UGGT1: variants seen among roughly 807,000 people sequenced by gnomAD.
The protein encoded by UGGT1 is UDP-glucose:glycoprotein glucosyltransferase 1.
Under a neutral mutation model 203.9 loss-of-function variants are expected in UGGT1, and 107 were observed. The observed-to-expected ratio is 0.52, with a 90% confidence interval of 0.45 to 0.62. The LOEUF (loss-of-function observed/expected upper bound fraction) is 0.62, where lower values mean the gene tolerates loss of function less well. Among genes scored for constraint, UGGT1 ranks in the 20% least tolerant of loss-of-function variants. The pLI, the probability that UGGT1 is intolerant of heterozygous loss-of-function variation, is 0.00. For missense variants in UGGT1, 1,673 were observed against 1,867.2 expected, an observed-to-expected ratio of 0.90 and a Z score of 1.92; for synonymous variants, 628 against 653.5, an observed-to-expected ratio of 0.96 and a Z score of 0.59.
chr2:128,111,139 TC>T (rs756146162), intron 5 of UGGT1, among the ~76,000 whole-genome samples: 10 of 152,132 alleles, frequency 6.6e-5, no homozygotes, highest in Non-Finnish European at 1.3e-4. Flanking sequence ...GATCACTTGA[TC>T]CCAGGAATTC....
chr2:128,171,853 G>A (rs1262348728), intron 28 of UGGT1, among the ~76,000 whole-genome samples: 1 of 152,112 alleles, frequency 6.6e-6, no homozygotes, highest in African/African-American at 2.4e-5. Flanking sequence ...TTTCAAGTTG[G>A]AATATACATG....
intron 8 of UGGT1, 105 bp downstream of exon 8, chr2:128,116,448 A>G (rs748140164): frequency 1.2e-5 from 9 of 722,640 alleles, no homozygotes; most frequent in Admixed American, 2.2e-5. Context: ...TGAGTTTCTC[A>G]TCTCCTAACA....
chr2:128,163,325 T>C (rs966069080), intron 25 of UGGT1, among the ~76,000 whole-genome samples: 13 of 152,146 alleles, frequency 8.5e-5, no homozygotes, highest in Non-Finnish European at 7.4e-5. Context: ...ACAGTGCTCT[T>C]TTAAAATTCT....
chr2:128,123,167 A>G lies in UGGT1; in HGVS notation c.1074-19A>G. 1 of 1,604,072 alleles carries G rather than the reference A, an allele frequency of 6.2e-7. No individual in the cohort carries two copies. Among genetic ancestry groups the G allele is most frequent in the Non-Finnish European group, 8.5e-7 (1 of 1,173,884 alleles). ...ATCAAATATTAAGCCAAGCACTCAT[A>G]ATGTTTTTATTTCCTTAGAGCAATA... On this transcript the variant is annotated intron_variant, in intron 10 of 40. Coordinates refer to ENST00000259253, the MANE Select transcript of UGGT1 (RefSeq NM_020120.4).
chr2:128,132,091 C>T (rs556978328), intron 13 of UGGT1, among the ~76,000 whole-genome samples: 4 of 152,070 alleles, frequency 2.6e-5, no homozygotes, highest in Admixed American at 6.5e-5. Context: ...TTCTGTCTAG[C>T]GAGTATGAAA....
intron 11 of UGGT1, among the ~76,000 whole-genome samples, chr2:128,125,982 G>A (rs1442261698): frequency 2.1e-4 from 30 of 143,144 alleles, no homozygotes; most frequent in African/African-American, 6.0e-4. Context: ...TTGCTGTGTC[G>A]CCCAGGCTGG....
chr2:128,177,099 G>A (rs1194333927), intron 32 of UGGT1, among the ~76,000 whole-genome samples: 4 of 151,846 alleles, frequency 2.6e-5, no homozygotes, highest in African/African-American at 7.3e-5. Flanking sequence ...ATCTCGGTGT[G>A]CAGAACATGT....
Position 128,191,507 on chromosome 2 carries a change from T to G in UGGT1, c.*1765T>G, listed in dbSNP as rs1233696931. 6.6e-6 allele frequency: 1 copy of G among 151,266 alleles called. No homozygotes were observed. Among genetic ancestry groups the G allele is most frequent in the Non-Finnish European group, 1.5e-5 (1 of 67,772 alleles). The allele number at this position is 151,266 out of a possible 1,614,324, so 9.4% of individuals were successfully genotyped here. ...TGTGGGCAGAGTCTGTGACATGACT[T>G]TCCCCGCCCTGCCCCTCTGTTCAGA... On this transcript the variant is annotated 3_prime_UTR_variant, in exon 41 of 41. Transcript: ENST00000259253.
intron 19 of UGGT1, among the ~76,000 whole-genome samples, chr2:128,154,642 T>C (rs1690140683): frequency 6.6e-6 from 1 of 152,214 alleles, no homozygotes; most frequent in Non-Finnish European, 1.5e-5. Context: ...GTGTGACTTA[T>C]TTTCTACGGT....
chr2:128,159,319 T>C (rs1391165706), intron 22 of UGGT1, among the ~76,000 whole-genome samples, 195 bp from the exon 23 acceptor site: 1 of 152,016 alleles, frequency 6.6e-6, no homozygotes, highest in Admixed American at 6.6e-5. Context: ...CAGGCTGGTC[T>C]CGAACTCCTG....
At chr2:128,128,312 TA>T (rs1558774350) in intron 12 of UGGT1, among the ~76,000 whole-genome samples, 3 of 85,124 alleles carry the variant, frequency 3.5e-5, no homozygotes, top group African/African-American at 6.9e-5. Context: ...CCTTCCTTTC[TA>T]TCTTTTTTTT....
At chr2:128,166,842 C>A (rs1690820179) in intron 26 of UGGT1, among the ~76,000 whole-genome samples, 1 of 152,122 alleles carries the variant, frequency 6.6e-6, no homozygotes, top group African/African-American at 2.4e-5. Flanking sequence ...ATGCCTGTGT[C>A]CTATTCCTCT....
chr2:128,183,937 T>TGTGTGTGTGTGTGTGTGTGAGA (rs151153786), intron 38 of UGGT1, 148 bp downstream of exon 38: 11 of 328,638 alleles, frequency 3.3e-5, no homozygotes, highest in East Asian at 6.0e-5. Context: ...TGTGTGTGTG[T>TGTGTGTGTGTGTGTGTGTGAGA]GAGAGAGAGA....
chr2:128,159,717 T>A lies in UGGT1; in HGVS notation c.2559T>A (p.Val853=). ...GAGCTGACATTGCGGAGTTCTCTGT[T>A]GGGGTAAGGCTCTGAGCCTCTCATG... ...AAGADIAEFS[V]GGMDFSLFKE... The change falls in exon 23 of 41, where the codon GTT becomes GTA. Residue 853 remains valine (V), a synonymous_variant. Transcript: ENST00000259253. 6.2e-7 allele frequency: 1 copy of A among 1,614,040 alleles called. No individual in the cohort carries two copies. The highest frequency in any genetic ancestry group is 8.5e-7 in the Non-Finnish European group (1 of 1,179,976).
rs1194282285 is a variant in UGGT1, at chr2:128,157,246, C to T, written c.2261-6C>T. On this transcript the variant is annotated splice_polypyrimidine_tract_variant and splice_region_variant and intron_variant, in intron 21 of 40. Coordinates refer to ENST00000259253, the MANE Select transcript of UGGT1 (RefSeq NM_020120.4). ...GACTCAATTAGCTGTTTTTGTTTTT[C>T]TACAGATGATTCTTTTATTAGGCCA... The T allele has an allele frequency of 2.5e-6, 4 of 1,611,596 alleles. No individual in the cohort carries two copies. Among genetic ancestry groups the T allele is most frequent in the Non-Finnish European group, 3.4e-6 (4 of 1,178,160 alleles).
intron 26 of UGGT1, among the ~76,000 whole-genome samples, chr2:128,168,906 G>A (rs888887428): frequency 1.3e-5 from 2 of 152,016 alleles, no homozygotes; most frequent in African/African-American, 2.4e-5. Flanking sequence ...AATTAGCTGG[G>A]CATGGTGGCA....
intron 13 of UGGT1, among the ~76,000 whole-genome samples, chr2:128,131,555 GTA>G (rs1688877690): frequency 6.6e-6 from 1 of 152,048 alleles, no homozygotes; most frequent in Non-Finnish European, 1.5e-5. Context: ...CTCTTTTTGT[GTA>G]TACATGTGAA....
chr2:128,112,614 G>A (rs1376419377), intron 5 of UGGT1, among the ~76,000 whole-genome samples: 2 of 141,714 alleles, frequency 1.4e-5, no homozygotes, highest in Non-Finnish European at 3.0e-5. Context: ...ACAGGGTCCC[G>A]TTCTGTCACC....
chr2:128,177,147 G>T (rs1440618548), intron 32 of UGGT1, among the ~76,000 whole-genome samples: 1 of 151,918 alleles, frequency 6.6e-6, no homozygotes, highest in Non-Finnish European at 1.5e-5. Context: ...ATGCTATGTT[G>T]TTTATATAGC....
Sources: allele counts gnomAD v4.1 joint callset (sites outside exome capture counted in the v4.1 genomes callset), GRCh38; gene constraint gnomAD v4.1.1; transcripts MANE v1.5; gene names NCBI Gene and HGNC (gene_info 2026-07-23, HGNC 2026-07-21).